The following ZBTB24 variants were observed in gnomAD, a reference collection of about 807,000 sequenced individuals.
ZBTB24 encodes zinc finger and BTB domain containing 24.
ZBTB24 carries 32 observed loss-of-function variants against 53.8 expected under a neutral mutation model. That is an observed-to-expected ratio of 0.60 (90% CI 0.45 to 0.80). ZBTB24 has a LOEUF of 0.80. ZBTB24 is among the 30% of genes least tolerant of loss of function. ZBTB24 has a pLI of 0.00. For synonymous variants in ZBTB24, 297 were observed against 306.7 expected, an observed-to-expected ratio of 0.97 and a Z score of 0.33; for missense variants, 722 against 837.1, an observed-to-expected ratio of 0.86 and a Z score of 1.70.
In ZBTB24 at chr6:109,466,230, C is replaced by T. The variant is rs139726759; in HGVS notation, c.1715G>A (p.Gly572Glu). The T allele has an allele frequency of 1.0e-4, 164 of 1,614,098 alleles. No homozygotes were observed. The highest frequency in any genetic ancestry group is 2.9e-4 in the East Asian group (13 of 44,906). Residue 572 changes from glycine to glutamate, a missense_variant, in exon 7 of 7, where the codon GGA becomes GAA. Transcript: ENST00000230122. ...NINFMPGPSQ[G>E]ISIVTAESSQ... ...ACTCTCTGCAGTCACAATGCTGATT[C>T]CCTGGCTAGGACCGGGCATGAAATT...
chr6:109,476,941 A>G lies in ZBTB24; in HGVS notation c.953-11T>C, dbSNP rs749153674. 1 of 1,613,496 alleles carries G rather than the reference A, an allele frequency of 6.2e-7. No homozygotes were observed. The highest frequency in any genetic ancestry group is 8.5e-7 in the Non-Finnish European group (1 of 1,179,842). ...TGAAAGGTCGCTCCCCTGGAAGAAG[A>G]GCCCCAGAAGCATGGTATAAGTAAG... On this transcript the variant is annotated splice_polypyrimidine_tract_variant and intron_variant, in intron 2 of 6. Transcript: ENST00000230122.
intron 5 of ZBTB24, among the ~76,000 whole-genome samples, chr6:109,474,518 G>A (rs960231073): frequency 6.6e-6 from 1 of 152,122 alleles, no homozygotes; most frequent in Non-Finnish European, 1.5e-5. Flanking sequence ...AGATCACAAG[G>A]TCAAGAGATC....
intron 3 of ZBTB24, 137 bp from the exon 4 acceptor site, chr6:109,476,395 A>G: frequency 1.2e-6 from 1 of 863,124 alleles, no homozygotes; most frequent in Non-Finnish European, 1.8e-6. Context: ...ACATACCCAG[A>G]AGCCTTCAAT....
chr6:109,466,326 T>C lies in ZBTB24; in HGVS notation c.1619A>G (p.Gln540Arg). The C allele has an allele frequency of 6.2e-7, 1 of 1,614,230 alleles. No homozygotes were observed. Among genetic ancestry groups the C allele is most frequent in the South Asian group, 1.1e-5 (1 of 91,088 alleles). The change falls in exon 7 of 7, where the codon CAG becomes CGG. Residue 540 changes from glutamine (Q) to arginine (R), a missense_variant. By Grantham distance (43) the Gln-to-Arg change is conservative. Coordinates refer to ENST00000230122, the MANE Select transcript of ZBTB24 (RefSeq NM_014797.3). ...TEEVRNILQL[Q>R]PYQLSTSGEQ... ...TCCCGAGGTAGAGAGTTGATATGGC[T>C]GTAGCTGAAGAATATTCCTGACCTC...
intron 6 of ZBTB24, 78 bp from the exon 7 acceptor site, chr6:109,466,652 C>T: frequency 6.4e-7 from 1 of 1,565,556 alleles, no homozygotes; most frequent in Non-Finnish European, 8.6e-7. Flanking sequence ...GGGAAGCAAT[C>T]AAGAGTAGTG....
At chr6:109,478,137 G>C (rs1444367718) in intron 2 of ZBTB24, among the ~76,000 whole-genome samples, 1 of 152,098 alleles carries the variant, frequency 6.6e-6, no homozygotes, top group Non-Finnish European at 1.5e-5. Context: ...TTTTACTGGG[G>C]ATCTGAAGGA....
chr6:109,464,807 A>C lies in ZBTB24; in HGVS notation c.*1044T>G, dbSNP rs1040492245. ...GGTGATACAGTGAGACCCTGTCTCT[A>C]AAAAAGGAAAGATTAGGAGAAGATA... On this transcript the variant is annotated 3_prime_UTR_variant, in exon 7 of 7. Coordinates refer to ENST00000230122, the MANE Select transcript of ZBTB24 (RefSeq NM_014797.3). The C allele has an allele frequency of 3.3e-5, 5 of 152,180 alleles. No individual in the cohort carries two copies. The highest frequency in any genetic ancestry group is 9.7e-5 in the African/African-American group (4 of 41,422). 9.4% of individuals were successfully genotyped at this position (152,180 alleles called of 1,614,324 possible). A position where few individuals can be genotyped will look rare whatever the true frequency, so the allele number is the denominator to read the frequency against.
Position 109,481,399 on chromosome 6 carries a change from G to C in ZBTB24, c.628C>G (p.Gln210Glu), listed in dbSNP as rs1776409848. The change falls in exon 2 of 7, where the codon CAA (glutamine) becomes GAA (glutamate). Residue 210 changes from glutamine (Q) to glutamate (E), a missense_variant. Physicochemically the swap from Gln to Glu is conservative, Grantham distance 29. Coordinates refer to ENST00000230122, the MANE Select transcript of ZBTB24 (RefSeq NM_014797.3). ...VKGDSGVLNE[Q>E]IAAKEKEESE... ...TCTTCCTTTTCTTTTGCTGCAATTT[G>C]CTCATTCAGTACACCACTGTCTCCT... 1 of 1,614,138 alleles carries C rather than the reference G, an allele frequency of 6.2e-7. No homozygotes were observed. Among genetic ancestry groups the C allele is most frequent in the Non-Finnish European group, 8.5e-7 (1 of 1,180,042 alleles).
intron 3 of ZBTB24, 135 bp from the exon 4 acceptor site, chr6:109,476,393 A>G (rs1376081160): frequency 1.1e-6 from 1 of 869,632 alleles, no homozygotes; most frequent in Non-Finnish European, 1.8e-6. Flanking sequence ...TTACATACCC[A>G]GAAGCCTTCA....
intron 5 of ZBTB24, among the ~76,000 whole-genome samples, chr6:109,468,420 C>A (rs1009516550): frequency 6.6e-6 from 1 of 151,902 alleles, no homozygotes; most frequent in African/African-American, 2.4e-5. Context: ...CCCCATAAAC[C>A]CTACTCCTCA....
chr6:109,470,537 A>G (rs549356638), intron 5 of ZBTB24, among the ~76,000 whole-genome samples: 2 of 152,278 alleles, frequency 1.3e-5, no homozygotes, highest in African/African-American at 4.8e-5. Flanking sequence ...AACATGGGGC[A>G]TGACATGTTA....
intron 5 of ZBTB24, among the ~76,000 whole-genome samples, chr6:109,471,124 C>G (rs1347118765): frequency 1.3e-5 from 2 of 152,178 alleles, no homozygotes; most frequent in Non-Finnish European, 2.9e-5. Flanking sequence ...ATATTCCCAC[C>G]AACAATAAAT....
rs1188500251 is a variant in ZBTB24, at chr6:109,466,345, T to C, written c.1600A>G (p.Arg534Gly). 1.2e-5 allele frequency: 19 copies of C among 1,614,112 alleles called. No homozygotes were observed. Among genetic ancestry groups the C allele is most frequent in the Non-Finnish European group, 1.5e-5 (18 of 1,180,056 alleles). Residue 534 changes from arginine to glycine, a missense_variant, in exon 7 of 7, where the codon AGG becomes GGG. Physicochemically the swap from Arg to Gly is moderately radical, Grantham distance 125 (BLOSUM62 -2). Transcript: ENST00000230122. The stretch of plus-strand genomic sequence containing the variant: ...TATGGCTGTAGCTGAAGAATATTCC[T>C]GACCTCTTCTGTATTACTACTGCCA... ...ISGSSNTEEV[R>G]NILQLQPYQL...
chr6:109,474,740 A>G (rs939437509), intron 5 of ZBTB24, among the ~76,000 whole-genome samples: 3 of 151,590 alleles, frequency 2.0e-5, no homozygotes, highest in Admixed American at 6.6e-5. Context: ...CTCAAAAAAA[A>G]AAAAAAAAAT....
At chr6:109,474,151 A>G (rs1776229093) in intron 5 of ZBTB24, among the ~76,000 whole-genome samples, 1 of 152,128 alleles carries the variant, frequency 6.6e-6, no homozygotes, top group Non-Finnish European at 1.5e-5. Context: ...ATTCCAGTAG[A>G]CAACAGAATT....
chr6:109,468,684 G>A (rs553841286), intron 5 of ZBTB24, among the ~76,000 whole-genome samples: 1 of 152,198 alleles, frequency 6.6e-6, no homozygotes, highest in East Asian at 1.9e-4. Context: ...GGGTATGTCT[G>A]CTCCTAGTAC....
chr6:109,482,010 G>A lies in ZBTB24; in HGVS notation c.17C>T (p.Pro6Leu). The change falls in exon 2 of 7, where the codon CCA becomes CTA. Residue 6 changes from proline (P) to leucine (L), a missense_variant. Pro to Leu is a moderately conservative substitution (Grantham distance 98, BLOSUM62 -3). Coordinates refer to ENST00000230122, the MANE Select transcript of ZBTB24 (RefSeq NM_014797.3). MAETS[P>L]EPSGQLVVHS... The stretch of plus-strand genomic sequence containing the variant: ...TACAACAAGCTGCCCAGAAGGCTCT[G>A]GCGATGTTTCTGCCATTTTCTTCAG... 1.2e-6 allele frequency: 2 copies of A among 1,614,182 alleles called. No homozygotes were observed. Among genetic ancestry groups the A allele is most frequent in the Non-Finnish European group, 1.7e-6 (2 of 1,180,036 alleles).
rs1227410558 is a variant in ZBTB24, at chr6:109,483,169, TCTGCGCCGCACCGGTTTCTGCTC to T, written c.-123_-101del. 1 of 152,004 alleles carries T rather than the reference TCTGCGCCGCACCGGTTTCTGCTC, an allele frequency of 6.6e-6. No individual in the cohort carries two copies. Among genetic ancestry groups the T allele is most frequent in the Non-Finnish European group, 1.5e-5 (1 of 68,050 alleles). 9.4% of individuals were successfully genotyped at this position (152,004 alleles called of 1,614,324 possible). On this transcript the variant is annotated 5_prime_UTR_variant, in exon 1 of 7. Transcript: ENST00000230122. ...CTCCGCCCCGCCCGCCTCTGGGGCT[TCTGCGCCGCACCGGTTTCTGCTC>T]CTGCGCCGCCGCCGCAGCCACAGCC...
intron 5 of ZBTB24, among the ~76,000 whole-genome samples, chr6:109,471,011 A>G (rs1175935367): frequency 6.6e-6 from 1 of 152,262 alleles, no homozygotes; most frequent in Non-Finnish European, 1.5e-5. Context: ...GTTATAAACA[A>G]TGCTGCCTAT....
Sources: gnomAD v4.1 joint callset for allele counts (sites outside exome capture counted in the v4.1 genomes callset) on GRCh38, gnomAD v4.1.1 for gene constraint, MANE v1.5 for transcripts, NCBI Gene and HGNC (gene_info 2026-07-23, HGNC 2026-07-21) for gene names.